The following TSPEAR variants were observed in gnomAD, a reference collection of about 807,000 sequenced individuals.
The protein encoded by TSPEAR is thrombospondin-type laminin G domain and EAR repeat-containing protein.
In TSPEAR, 69 loss-of-function variants were observed where a neutral mutation model predicts 71.6. That is an observed-to-expected ratio of 0.96 (90% CI 0.79 to 1.18). The LOEUF is 1.18. Ranked by LOEUF, TSPEAR falls within the 50% of genes most tolerant of loss-of-function variation. The pLI is 0.00. For missense variants in TSPEAR, 971 were observed against 894.9 expected (o/e 1.09, Z -1.09); for synonymous variants, 402 against 387.2 (o/e 1.04, Z -0.45).
chr21:44,692,583 G>A (rs1987165266), intron 1 of TSPEAR, among the ~76,000 whole-genome samples: 1 of 151,960 alleles, frequency 6.6e-6, no homozygotes, highest in Non-Finnish European at 1.5e-5. Flanking sequence ...ATCTGATAAG[G>A]AAATTAAGAA....
At chr21:44,599,132 TTTTCTCTCTCTC>T (rs1555928010) in intron 1 of TSPEAR, among the ~76,000 whole-genome samples, 3 of 7,580 alleles carry the variant, frequency 4.0e-4, no homozygotes, top group Non-Finnish European at 7.7e-4. Flanking sequence ...GAGGCCCCCA[TTTTCTCTCTCTC>T]TCTCTCTCTC....
intron 7 of TSPEAR, chr21:44,526,063 C>T: frequency 2.3e-6 from 1 of 442,868 alleles, no homozygotes; most frequent in Admixed American, 3.6e-5. Context: ...TATTCTTTAC[C>T]CAATATTTCC....
In TSPEAR at chr21:44,533,727, C is replaced by T. The variant is rs911528834; in HGVS notation, c.500G>A (p.Gly167Asp). The T allele has an allele frequency of 3.1e-6, 5 of 1,611,934 alleles. No individual in the cohort carries two copies. The African/African-American group carries it at 4.0e-5, about 13-fold the overall frequency. ...GCAGTCCGTGGTGAGGGAGAAGACG[C>T]CTGCGGACACAGCCAGGACCAGTGT... Reference protein sequence around the residue: ...WHTLVLAVSAGVFSLTTDCGL... With the variant: ...WHTLVLAVSADVFSLTTDCGL... The change falls in exon 3 of 12, where the codon GGC (glycine) becomes GAC (aspartate). Residue 167 changes from glycine (G) to aspartate (D), a missense_variant. Coordinates refer to ENST00000323084, the MANE Select transcript of TSPEAR (RefSeq NM_144991.3).
intron 1 of TSPEAR, chr21:44,677,387 G>A (rs141929422): frequency 7.2e-4 from 996 of 1,377,022 alleles, no homozygotes; most frequent in Non-Finnish European, 9.6e-4. Context: ...TGACAGCCTG[G>A]ACCACAGTGT....
chr21:44,646,124 CAAAAAAAA>C (rs55672014), intron 1 of TSPEAR, among the ~76,000 whole-genome samples: 124 of 31,236 alleles, frequency 4.0e-3, no homozygotes, highest in African/African-American at 9.2e-3. Context: ...GACTCCCTCT[CAAAAAAAA>C]AAAAAAAAAA....
intron 1 of TSPEAR, among the ~76,000 whole-genome samples, chr21:44,592,849 T>C (rs1980086634): frequency 6.6e-6 from 1 of 152,048 alleles, no homozygotes; most frequent in African/African-American, 2.4e-5. Context: ...TCAGGAAGTG[T>C]CCTTGTGGTG....
chr21:44,710,812 TA>T lies in TSPEAR; in HGVS notation c.82+620del, dbSNP rs1317256475. On this transcript the variant is annotated intron_variant, in intron 1 of 11. Coordinates refer to ENST00000323084, the MANE Select transcript of TSPEAR (RefSeq NM_144991.3). The surrounding 1 kb of genome is among the most constrained non-coding windows in gnomAD (Gnocchi z 4.6). ...TCATGAGCAAGCCAAACAGCCTTTC[TA>T]AAAGGTGGGAAGGAGACCCCCAGGC... 6.6e-6 allele frequency among the ~76,000 whole-genome samples: 1 copy of T among 152,220 alleles called. No individual in the cohort carries two copies. The highest frequency in any genetic ancestry group is 6.5e-5 in the Admixed American group (1 of 15,286).
intron 1 of TSPEAR, among the ~76,000 whole-genome samples, chr21:44,595,153 A>G (rs1980278262): frequency 6.6e-6 from 1 of 152,122 alleles, no homozygotes; most frequent in African/African-American, 2.4e-5. Flanking sequence ...GAACACAAGC[A>G]GTCACCCAAT....
rs909489082 is a variant in TSPEAR at position 44,710,156 on chromosome 21, G to T, written c.82+1277C>A. ...GAGCAGGGGAGGGAGAAAGGCTGGC[G>T]CTGCGCCCTCCATCGCGTGAAGCCA... On this transcript the variant is annotated intron_variant, in intron 1 of 11. Transcript: ENST00000323084. This position sits in a 1 kb window ranked among gnomAD's most constrained non-coding sequence, Gnocchi z 4.6. Among the ~76,000 whole-genome samples, 3 of 152,102 alleles carry T rather than the reference G, an allele frequency of 2.0e-5. No homozygotes were observed. The highest frequency in any genetic ancestry group is 1.3e-4 in the Admixed American group (2 of 15,280).
chr21:44,505,462 A>G (rs2052170805), intron 10 of TSPEAR, among the ~76,000 whole-genome samples: 1 of 150,910 alleles, frequency 6.6e-6, no homozygotes, highest in South Asian at 2.1e-4. Context: ...AGGGGCATTA[A>G]GCACATTCAT....
rs927660208 is a variant in TSPEAR at position 44,711,113 on chromosome 21, G to A, written c.82+320C>T. Among the ~76,000 whole-genome samples, 2 of 152,240 alleles carry A rather than the reference G, an allele frequency of 1.3e-5. No homozygotes were observed. Among genetic ancestry groups the A allele is most frequent in the Admixed American group, 1.3e-4 (2 of 15,282 alleles). On this transcript the variant is annotated intron_variant, in intron 1 of 11. Coordinates refer to ENST00000323084, the MANE Select transcript of TSPEAR (RefSeq NM_144991.3). This position sits in a 1 kb window ranked among gnomAD's most constrained non-coding sequence, Gnocchi z 4.5. ...TTCTTCATTCCCAAAGCAGGTGTCA[G>A]CCTTTCCCGGGAGGCCCAGCAGGTA...
In TSPEAR at chr21:44,674,498, C is replaced by T. The variant is rs587635126; in HGVS notation, c.82+36935G>A. 2.0e-5 allele frequency among the ~76,000 whole-genome samples: 3 copies of T among 152,246 alleles called. No homozygotes were observed. In the East Asian group the frequency reaches 5.8e-4, roughly 29 times the overall value. ...TTGGGAGGCCAAGGCAGGTGGATCA[C>T]TTGAGCCCAAGAGTTTGAGACCAGC... On this transcript the variant is annotated intron_variant, in intron 1 of 11. Transcript: ENST00000323084.
chr21:44,700,772 A>C (rs1235703751), intron 1 of TSPEAR, among the ~76,000 whole-genome samples: 1 of 152,210 alleles, frequency 6.6e-6, no homozygotes, highest in Admixed American at 6.5e-5. Context: ...GTTAAGCCTG[A>C]TACTGCCTCG....
intron 1 of TSPEAR, chr21:44,676,856 G>T: frequency 2.1e-6 from 2 of 950,530 alleles, no homozygotes; most frequent in Non-Finnish European, 3.5e-6. Context: ...AATGTGATGT[G>T]CTGCTTTTCT....
At chr21:44,708,718 C>T (rs1418413411) in intron 1 of TSPEAR, among the ~76,000 whole-genome samples, 2 of 152,038 alleles carry the variant, frequency 1.3e-5, no homozygotes, top group African/African-American at 4.8e-5. Flanking sequence ...TCCTGCAGTC[C>T]CCTCCCCGAA....
At chr21:44,524,894 ATCAG>A (rs1274459596) in intron 8 of TSPEAR, among the ~76,000 whole-genome samples, 3 of 149,998 alleles carry the variant, frequency 2.0e-5, no homozygotes, top group Non-Finnish European at 3.0e-5. Flanking sequence ...TAGTCAGGTA[ATCAG>A]TCAGTCAGTC....
chr21:44,518,675 C>T (rs868983165), intron 9 of TSPEAR: 1 of 470,916 alleles, frequency 2.1e-6, no homozygotes, highest in Admixed American at 2.3e-5. Flanking sequence ...GCCCCCTGCC[C>T]CCCACCAGCT....
At chr21:44,631,220 A>G (rs1983238603) in intron 1 of TSPEAR, among the ~76,000 whole-genome samples, 1 of 152,234 alleles carries the variant, frequency 6.6e-6, no homozygotes, top group African/African-American at 2.4e-5. Flanking sequence ...AGAAACTAAG[A>G]AAACAACATC....
chr21:44,628,807 T>C (rs1283036803), intron 1 of TSPEAR, among the ~76,000 whole-genome samples: 1 of 152,156 alleles, frequency 6.6e-6, no homozygotes, highest in Non-Finnish European at 1.5e-5. Context: ...GGAGAGAGCT[T>C]GGCCATCCTG....
Sources: gnomAD v4.1 joint callset for allele counts (sites outside exome capture counted in the v4.1 genomes callset) on GRCh38, gnomAD v4.1.1 for gene constraint, Gnocchi (gnomAD v3.1) non-coding constraint, MANE v1.5 for transcripts, NCBI Gene and HGNC (gene_info 2026-07-23, HGNC 2026-07-21) for gene names.